DRC7: variants seen among roughly 807,000 people sequenced by gnomAD.
DRC7 encodes dynein regulatory complex subunit 7.
Under a neutral mutation model 104.4 loss-of-function variants are expected in DRC7, and 80 were observed. That is an observed-to-expected ratio of 0.77 (90% confidence interval 0.64 to 0.92). The LOEUF is 0.92. Ranked by LOEUF, DRC7 falls within the 40% of genes least tolerant of loss-of-function variation. DRC7 has a pLI of 0.00. For missense variants in DRC7, 1,034 were observed against 1,141.1 expected (o/e 0.91, Z 1.35); for synonymous variants, 405 against 447.3 (o/e 0.91, Z 1.19).
rs2048919982 is a variant in DRC7, at chr16:57,722,914, C to A, written c.1408+73C>A. ...GGGCGGCTTCTACTCTCTCTGGGGT[C>A]ATTGCTGGCCTCTGTGTGCCTGGAA... On this transcript the variant is annotated intron_variant, in intron 11 of 18. Transcript: ENST00000360716. 3.7e-6 allele frequency: 6 copies of A among 1,612,164 alleles called. No homozygotes were observed. The Admixed American group carries it at 1.0e-4, about 27-fold the overall frequency.
intron 9 of DRC7, among the ~76,000 whole-genome samples, chr16:57,718,764 T>C (rs1384445580): frequency 6.6e-5 from 10 of 152,168 alleles, no homozygotes. Flanking sequence ...GGAGTTGCCC[T>C]GCTCCTTTGG....
intron 7 of DRC7, among the ~76,000 whole-genome samples, chr16:57,706,242 TC>T (rs2048724970): frequency 8.4e-5 from 2 of 23,832 alleles, no homozygotes. Context: ...CCACCCACCC[TC>T]CCATCCGTCC....
In DRC7 at chr16:57,724,618, A is replaced by C. The variant is rs1473860898; in HGVS notation, c.1541A>C (p.His514Pro). ...CCAACTCCCGCTCCCCACCCAGTGC[A>C]CTCGTACAAGTCCATGCAACCTGAG... ...KPGHPQALRV[H>P]SYKSMQPEMD... The change falls in exon 13 of 19, where the codon CAC (histidine) becomes CCC (proline). Residue 514 changes from histidine to proline, a missense_variant. Transcript: ENST00000360716. 6.2e-7 allele frequency: 1 copy of C among 1,607,626 alleles called. No homozygotes were observed. The highest frequency in any genetic ancestry group is 1.1e-5 in the South Asian group (1 of 90,788).
chr16:57,724,857 G>T (rs752223330), intron 13 of DRC7, 22 bp downstream of exon 13: 1 of 1,587,786 alleles, frequency 6.3e-7, no homozygotes, highest in Admixed American at 1.7e-5. Context: ...CGGGGGCTGG[G>T]GACAGGTCGC....
At chr16:57,718,127 C>T (rs1471132962) in intron 8 of DRC7, among the ~76,000 whole-genome samples, 1 of 152,228 alleles carries the variant, frequency 6.6e-6, no homozygotes, top group Non-Finnish European at 1.5e-5. Context: ...GAATGATGGG[C>T]AGGGAGTTCT....
Position 57,715,261 on chromosome 16 carries a change from G to A in DRC7, c.1078-3086G>A, listed in dbSNP as rs543259342. On this transcript the variant is annotated intron_variant, in intron 8 of 18. Transcript: ENST00000360716. ...GACAGGGTTTCACCATTTTGGCCAG[G>A]CTGGTCTTGAACTCCTGACCTCAAG... 9.9e-5 allele frequency among the ~76,000 whole-genome samples: 15 copies of A among 152,270 alleles called. No individual in the cohort carries two copies. In the East Asian group the frequency reaches 2.9e-3, roughly 29 times the overall value.
chr16:57,704,305 T>A (rs763074731), intron 6 of DRC7, among the ~76,000 whole-genome samples: 13 of 152,128 alleles, frequency 8.5e-5, no homozygotes, highest in Non-Finnish European at 1.5e-4. Context: ...GGCCCACCTC[T>A]GCAGCCTCTG....
At chr16:57,728,016 G>A (rs2048992262) in intron 16 of DRC7, among the ~76,000 whole-genome samples, 2 of 152,216 alleles carry the variant, frequency 1.3e-5, no homozygotes, top group Non-Finnish European at 2.9e-5. Flanking sequence ...AGTGAAGGGA[G>A]TTACTGGCAG....
chr16:57,701,790 C>A, intron 5 of DRC7, 146 bp from the exon 6 acceptor site: 1 of 633,800 alleles, frequency 1.6e-6, no homozygotes, highest in Non-Finnish European at 2.7e-6. Flanking sequence ...GGCTCCCTGA[C>A]CCCACAAGGG....
At chr16:57,725,352 G>A (rs1226616271) in intron 13 of DRC7, 1 of 157,686 alleles carries the variant, frequency 6.3e-6, no homozygotes, top group African/African-American at 2.4e-5. Context: ...GACCTATGGG[G>A]ATTACAGTTC....
Position 57,707,870 on chromosome 16 carries a change from T to C in DRC7, c.1077+192T>C, listed in dbSNP as rs1449633998. ...TAACCATTCTGATACGATTATTGTC[T>C]CTCCTGATTTGTGTATCCTTCTAAA... On this transcript the variant is annotated intron_variant, in intron 8 of 18. Coordinates refer to ENST00000360716, the MANE Select transcript of DRC7 (RefSeq NM_001289162.2). 1.1e-5 allele frequency: 7 copies of C among 611,544 alleles called. No homozygotes were observed. The East Asian group carries it at 1.9e-4, about 17-fold the overall frequency. The allele number at this position is 611,544 out of a possible 1,614,324, so 37.9% of individuals were successfully genotyped here.
intron 6 of DRC7, among the ~76,000 whole-genome samples, chr16:57,703,270 T>C (rs2148735188): frequency 6.7e-6 from 1 of 148,354 alleles, no homozygotes; most frequent in African/African-American, 2.5e-5. Context: ...TTAGATCTGC[T>C]CATTAAGATC....
rs775885731 is a variant in DRC7 at position 57,718,402 on chromosome 16, C to T, written c.1133C>T (p.Thr378Ile). The T allele has an allele frequency of 3.7e-6, 6 of 1,614,122 alleles. No individual in the cohort carries two copies. Among genetic ancestry groups the T allele is most frequent in the Non-Finnish European group, 5.1e-6 (6 of 1,179,992 alleles). The change falls in exon 9 of 19, where the codon ACT becomes ATT. Residue 378 changes from threonine (T) to isoleucine (I), a missense_variant. By Grantham distance (89) the Thr-to-Ile change is moderately conservative. Coordinates refer to ENST00000360716, the MANE Select transcript of DRC7 (RefSeq NM_001289162.2). ...PVRWEYMLLG[T>I]DKSQLSLTEE... The stretch of plus-strand genomic sequence containing the variant: ...AGATGGGAGTACATGCTCCTGGGGA[C>T]TGATAAGTCTCAGCTGTCCTTGACT...
intron 13 of DRC7, 75 bp downstream of exon 13, chr16:57,724,910 C>A (rs964871216): frequency 7.3e-6 from 9 of 1,239,104 alleles, no homozygotes; most frequent in Non-Finnish European, 1.0e-5. Context: ...ATGGTGAGAG[C>A]CCTGGCTCTG....
chr16:57,726,176 C>T lies in DRC7; in HGVS notation c.1867C>T (p.Arg623Cys), dbSNP rs189601070. 1.2e-6 allele frequency: 2 copies of T among 1,613,232 alleles called. No homozygotes were observed. The highest frequency in any genetic ancestry group is 1.7e-6 in the Non-Finnish European group (2 of 1,180,026). The change falls in exon 14 of 19, where the codon CGT becomes TGT. Residue 623 changes from arginine to cysteine, a missense_variant. Arg to Cys is a radical substitution (Grantham distance 180). Coordinates refer to ENST00000360716, the MANE Select transcript of DRC7 (RefSeq NM_001289162.2). The stretch of plus-strand genomic sequence containing the variant: ...GCGCATCCAGCTGCGCTACCACTGC[C>T]GTGAGGACCACATCACGGCCTCCAA... ...EERIQLRYHC[R>C]EDHITASKRE... is the part of the protein sequence containing the mutation.
rs1384556033 is a variant in DRC7, at chr16:57,726,314, C to T, written c.1974+31C>T. On this transcript the variant is annotated intron_variant, in intron 14 of 18. Transcript: ENST00000360716. ...CCTGGGGGCCACGGCGGGCAGGGGT[C>T]GGCTGCAGGAGGAACCGGGGCTCTC... The T allele has an allele frequency of 3.2e-6, 5 of 1,584,924 alleles. No individual in the cohort carries two copies. In the South Asian group the frequency reaches 3.3e-5, roughly 11 times the overall value.
intron 17 of DRC7, among the ~76,000 whole-genome samples, chr16:57,730,366 T>C (rs1256419369): frequency 2.0e-5 from 3 of 150,412 alleles, no homozygotes; most frequent in African/African-American, 7.4e-5. Flanking sequence ...GGCGAGTGGA[T>C]AGATGGACGG....
In DRC7 at chr16:57,728,581, G is replaced by A; in HGVS notation, c.2388G>A (p.Glu796=). The A allele has an allele frequency of 7.5e-6, 12 of 1,592,668 alleles. No homozygotes were observed. Among genetic ancestry groups the A allele is most frequent in the Non-Finnish European group, 1.0e-5 (12 of 1,167,398 alleles). The change falls in exon 17 of 19, where the codon GAG becomes GAA. Residue 796 remains glutamate (E), a synonymous_variant. Transcript: ENST00000360716. ...NKANLIQARF[E]KETQELQKKQ... Reference sequence around the variant, plus strand: ...CCAACCTCATCCAGGCCCGCTTTGAGAAGGTGCCACCAGGGCCTTTGTTGG... The same window carrying A: ...CCAACCTCATCCAGGCCCGCTTTGAAAAGGTGCCACCAGGGCCTTTGTTGG...
chr16:57,716,827 C>G (rs1389586784), intron 8 of DRC7, among the ~76,000 whole-genome samples: 1 of 152,106 alleles, frequency 6.6e-6, no homozygotes, highest in Non-Finnish European at 1.5e-5. Flanking sequence ...GGGAGAACAC[C>G]TTGCTCTAGG....
Sources: gnomAD v4.1 joint callset for allele counts (sites outside exome capture counted in the v4.1 genomes callset) on GRCh38, gnomAD v4.1.1 for gene constraint, MANE v1.5 for transcripts, NCBI Gene and HGNC (gene_info 2026-07-23, HGNC 2026-07-21) for gene names.